Variants in ULK4 observed in about 807,000 individuals in gnomAD.
ULK4 encodes inactive serine/threonine-protein kinase ULK4.
A neutral mutation model predicts 160.6 loss-of-function variants in ULK4; 133 were observed. That is an observed-to-expected ratio of 0.83 (90% CI 0.72 to 0.96). The LOEUF (loss-of-function observed/expected upper bound fraction) is 0.96, where lower values mean the gene tolerates loss of function less well. Among genes scored for constraint, ULK4 ranks in the 40% least tolerant of loss-of-function variants. ULK4 has a pLI of 0.00. For missense variants in ULK4, 1,580 were observed against 1,499.5 expected, an observed-to-expected ratio of 1.05 and a Z score of -0.89; for synonymous variants, 534 against 539.8, an observed-to-expected ratio of 0.99 and a Z score of 0.15.
intron 32 of ULK4, among the ~76,000 whole-genome samples, chr3:41,495,199 A>G (rs2084942051): frequency 6.6e-6 from 1 of 152,224 alleles, no homozygotes; most frequent in Non-Finnish European, 1.5e-5. Context: ...TACAGTAACC[A>G]AAACAGCATG....
chr3:41,318,707 G>A (rs1281286002), intron 35 of ULK4, among the ~76,000 whole-genome samples: 3 of 152,220 alleles, frequency 2.0e-5, no homozygotes, highest in Non-Finnish European at 2.9e-5. Flanking sequence ...GAGTCATCCC[G>A]GAGTGACAGC....
chr3:41,616,867 C>T (rs2032998487), intron 30 of ULK4, among the ~76,000 whole-genome samples: 1 of 152,182 alleles, frequency 6.6e-6, no homozygotes, highest in African/African-American at 2.4e-5. Flanking sequence ...CGGAGCCCAG[C>T]AAGCTAAGAA....
intron 12 of ULK4, among the ~76,000 whole-genome samples, chr3:41,905,027 C>G (rs1698503650): frequency 1.3e-5 from 2 of 152,146 alleles, no homozygotes; most frequent in Admixed American, 1.3e-4. Context: ...GCAAGTGACC[C>G]AGAACAGCCA....
chr3:41,897,275 T>C (rs73069203), intron 14 of ULK4, among the ~76,000 whole-genome samples: 19,039 of 152,180 alleles, frequency 0.13, 1,369 homozygotes, highest in Middle Eastern at 0.26. Flanking sequence ...TCCCACAACC[T>C]ACACTATAAC....
intron 35 of ULK4, among the ~76,000 whole-genome samples, chr3:41,268,087 G>A (rs2079075178): frequency 6.6e-6 from 1 of 152,176 alleles, no homozygotes; most frequent in African/African-American, 2.4e-5. Context: ...GGGGATAAGG[G>A]GAGGTGGACT....
At chr3:41,450,129 C>T (rs1286789133) in intron 34 of ULK4, among the ~76,000 whole-genome samples, 2 of 151,982 alleles carry the variant, frequency 1.3e-5, no homozygotes, top group African/African-American at 2.4e-5. Flanking sequence ...AGTTAACTAT[C>T]TAGTTTAAAA....
intron 1 of ULK4, among the ~76,000 whole-genome samples, chr3:41,957,755 TGAACTCA>T (rs979703154): frequency 6.6e-6 from 1 of 151,874 alleles, no homozygotes; most frequent in African/African-American, 2.4e-5. Context: ...CACATTGGGC[TGAACTCA>T]GTAGCTCATG....
At chr3:41,828,296 C>A (rs1169721073) in intron 18 of ULK4, among the ~76,000 whole-genome samples, 1 of 147,754 alleles carries the variant, frequency 6.8e-6, no homozygotes, top group African/African-American at 2.5e-5. Flanking sequence ...AAATTCTGGC[C>A]AGGGCAATCA....
chr3:41,371,932 G>A (rs1168807399), intron 35 of ULK4, among the ~76,000 whole-genome samples: 1 of 151,850 alleles, frequency 6.6e-6, no homozygotes, highest in African/African-American at 2.4e-5. Context: ...AAAATAACCA[G>A]TTTAGAGAAG....
Position 41,353,033 on chromosome 3 carries a change from T to A in ULK4, c.3678+45046A>T, listed in dbSNP as rs73067271. Among the ~76,000 whole-genome samples the A allele has an allele frequency of 4.6e-3, 708 of 152,332 alleles. 2 individuals carry two copies. The highest frequency in any genetic ancestry group is 5.7e-3 in the Non-Finnish European group (390 of 68,030). ...CCAGCCTTTACTCTACTGGACTTGC[T>A]TTCAAAGCCAGCTGTATGTGGTAGC... is the stretch of plus-strand genomic sequence containing the variant. On this transcript the variant is annotated intron_variant, in intron 35 of 36. Transcript: ENST00000301831.
chr3:41,647,535 T>C (rs2034557209), intron 30 of ULK4, among the ~76,000 whole-genome samples: 1 of 152,172 alleles, frequency 6.6e-6, no homozygotes, highest in Non-Finnish European at 1.5e-5. Flanking sequence ...AATGCTGCTG[T>C]CTGATCATTC....
Position 41,932,807 on chromosome 3 carries a change from G to C in ULK4, c.379-801C>G, listed in dbSNP as rs147890572. The stretch of plus-strand genomic sequence containing the variant: ...ACCTGTAATCCCAGCACTTTGGAAG[G>C]CTGAGGCAGGCAGATCACCTAGGGC... On this transcript the variant is annotated intron_variant, in intron 4 of 36. Transcript: ENST00000301831. Among the ~76,000 whole-genome samples, 831 of 152,288 alleles carry C rather than the reference G, an allele frequency of 5.5e-3. 7 individuals are homozygous for C. The highest frequency in any genetic ancestry group is 0.019 in the African/African-American group (798 of 41,552).
intron 25 of ULK4, among the ~76,000 whole-genome samples, chr3:41,706,386 TTA>T (rs1323756056): frequency 5.5e-5 from 8 of 145,610 alleles, no homozygotes; most frequent in Non-Finnish European, 9.0e-5. Flanking sequence ...ATATATATAT[TTA>T]TATATATTAA....
At chr3:41,724,001 G>C (rs2037562531) in intron 22 of ULK4, among the ~76,000 whole-genome samples, 1 of 152,196 alleles carries the variant, frequency 6.6e-6, no homozygotes, top group Non-Finnish European at 1.5e-5. Flanking sequence ...TTAATGTAAA[G>C]CTCAAAGTCA....
intron 32 of ULK4, among the ~76,000 whole-genome samples, chr3:41,555,521 A>C (rs1478115664): frequency 6.6e-6 from 1 of 152,186 alleles, no homozygotes; most frequent in Non-Finnish European, 1.5e-5. Context: ...TCAAAAAATA[A>C]GAGATGCTAG....
Position 41,247,053 on chromosome 3 carries a change from C to CT in ULK4, c.3765-62dup, listed in dbSNP as rs1403765190. ...CATCTCTAAGGTAAAGTGCTCCCCC[C>CT]TTTCAAAGGGGCCAGCCTCTTTTGC... On this transcript the variant is annotated intron_variant, in intron 36 of 36. Coordinates refer to ENST00000301831, the MANE Select transcript of ULK4 (RefSeq NM_017886.4). The CT allele has an allele frequency of 8.5e-6, 13 of 1,532,104 alleles. No individual in the cohort carries two copies. In the African/African-American group the frequency reaches 1.8e-4, roughly 21 times the overall value. 94.9% of individuals were successfully genotyped at this position (1,532,104 alleles called of 1,614,324 possible).
At chr3:41,743,934 A>G (rs980031733) in intron 22 of ULK4, among the ~76,000 whole-genome samples, 2 of 151,902 alleles carry the variant, frequency 1.3e-5, no homozygotes, top group Non-Finnish European at 2.9e-5. Flanking sequence ...AAGGGAAAGT[A>G]GGGAAAATAA....
intron 17 of ULK4, among the ~76,000 whole-genome samples, chr3:41,863,826 A>C (rs1301417523): frequency 6.6e-6 from 1 of 151,584 alleles, no homozygotes; most frequent in African/African-American, 2.4e-5. Flanking sequence ...TAGGTGCAAG[A>C]CAAAGTCCTC....
At chr3:41,550,766 G>A (rs2087033104) in intron 32 of ULK4, among the ~76,000 whole-genome samples, 1 of 151,984 alleles carries the variant, frequency 6.6e-6, no homozygotes, top group African/African-American at 2.4e-5. Flanking sequence ...TATTTAAACT[G>A]TATTTTAGAT....
Sources: gnomAD v4.1 joint callset for allele counts (sites outside exome capture counted in the v4.1 genomes callset) on GRCh38, gnomAD v4.1.1 for gene constraint, MANE v1.5 for transcripts, NCBI Gene and HGNC (gene_info 2026-07-23, HGNC 2026-07-21) for gene names.